ETV6: variants seen among roughly 807,000 people sequenced by gnomAD.
ETV6 encodes the protein ETS variant transcription factor 6.
In ETV6, 16 loss-of-function variants were observed where a neutral mutation model predicts 51.1. The observed-to-expected ratio is 0.31, with a 90% confidence interval of 0.21 to 0.48. The LOEUF (loss-of-function observed/expected upper bound fraction) is 0.48, where lower values mean the gene tolerates loss of function less well. Among genes scored for constraint, ETV6 ranks in the 20% least tolerant of loss-of-function variants. The pLI is 0.99. For missense variants in ETV6, 458 were observed against 594.8 expected, an observed-to-expected ratio of 0.77 and a Z score of 2.39; for synonymous variants, 240 against 224.1, an observed-to-expected ratio of 1.07 and a Z score of -0.64.
intron 1 of ETV6, among the ~76,000 whole-genome samples, chr12:11,695,883 C>T (rs1026903794): frequency 6.6e-6 from 1 of 152,198 alleles, no homozygotes; most frequent in South Asian, 2.1e-4. Flanking sequence ...TTTTCCATAT[C>T]ACCAGTGACA....
chr12:11,738,746 A>G (rs1262101101), intron 1 of ETV6, among the ~76,000 whole-genome samples: 6 of 151,926 alleles, frequency 3.9e-5, no homozygotes, highest in Non-Finnish European at 7.4e-5. Flanking sequence ...TTTTAATTCT[A>G]TTTTCTCCTA....
intron 4 of ETV6, among the ~76,000 whole-genome samples, chr12:11,867,392 A>G (rs749412709): frequency 2.6e-5 from 4 of 152,156 alleles, no homozygotes; most frequent in Non-Finnish European, 4.4e-5. Flanking sequence ...AGAGATATAT[A>G]CTATAATTTA....
intron 2 of ETV6, among the ~76,000 whole-genome samples, chr12:11,771,309 T>C (rs1473845229): frequency 6.6e-6 from 1 of 152,248 alleles, no homozygotes; most frequent in Non-Finnish European, 1.5e-5. Context: ...TAGGGAGCCA[T>C]TGCTGTGTGT....
intron 1 of ETV6, among the ~76,000 whole-genome samples, chr12:11,746,765 C>T (rs545901308): frequency 4.1e-5 from 6 of 144,766 alleles, no homozygotes; most frequent in Middle Eastern, 3.7e-3. Context: ...GATTGCAGGG[C>T]TTATTGCTAA....
intron 2 of ETV6, among the ~76,000 whole-genome samples, chr12:11,779,052 C>A (rs973411854): frequency 6.6e-6 from 1 of 152,230 alleles, no homozygotes; most frequent in African/African-American, 2.4e-5. Flanking sequence ...CTGAATACTT[C>A]AGAGCCAGAT....
chr12:11,882,918 G>A (rs1443980523), intron 5 of ETV6, among the ~76,000 whole-genome samples: 1 of 152,260 alleles, frequency 6.6e-6, no homozygotes, highest in African/African-American at 2.4e-5. Flanking sequence ...ACATTGTAGT[G>A]CAGGAGTCCA....
intron 4 of ETV6, among the ~76,000 whole-genome samples, chr12:11,856,857 T>G (rs915725915): frequency 6.6e-6 from 1 of 152,232 alleles, no homozygotes; most frequent in African/African-American, 2.4e-5. Context: ...ATATCAAATA[T>G]TACTTCCCCA....
chr12:11,891,486 CA>C lies in ETV6; in HGVS notation c.*443del. On this transcript the variant is annotated 3_prime_UTR_variant, in exon 8 of 8. Transcript: ENST00000396373. ...ATATATATATTTTTTGCAAATCTCA[CA>C]AAGTGCGGCAAGCCCAGCTGGTCAG... 1 of 491,550 alleles carries C rather than the reference CA, an allele frequency of 2.0e-6. No individual in the cohort carries two copies. Among genetic ancestry groups the C allele is most frequent in the South Asian group, 1.8e-5 (1 of 57,126 alleles). The allele number at this position is 491,550 out of a possible 1,614,324, so 30.4% of individuals were successfully genotyped here.
intron 1 of ETV6, among the ~76,000 whole-genome samples, chr12:11,670,074 C>A (rs1354119955): frequency 6.6e-6 from 1 of 150,870 alleles, no homozygotes; most frequent in East Asian, 1.9e-4. Context: ...TGTAGTTCAT[C>A]GTTTCCTTTT....
intron 1 of ETV6, among the ~76,000 whole-genome samples, chr12:11,680,053 C>T (rs931140092): frequency 2.0e-5 from 3 of 152,192 alleles, no homozygotes; most frequent in African/African-American, 7.2e-5. Flanking sequence ...AAAGTTGAGA[C>T]ATCCAGCTTG....
Position 11,682,157 on chromosome 12 carries a change from G to A in ETV6, c.33+31997G>A, listed in dbSNP as rs562963819. 2.6e-5 allele frequency among the ~76,000 whole-genome samples: 4 copies of A among 152,260 alleles called. No homozygotes were observed. In the South Asian group the frequency reaches 8.3e-4, roughly 32 times the overall value. ...GAGGAATCGCCGCACTGTCCACAAT[G>A]GTTGAACTAATTTACACTCCCACCA... is the stretch of plus-strand genomic sequence containing the variant. On this transcript the variant is annotated intron_variant, in intron 1 of 7. Transcript: ENST00000396373.
intron 1 of ETV6, among the ~76,000 whole-genome samples, chr12:11,672,991 G>A (rs1450562256): frequency 6.6e-6 from 1 of 152,180 alleles, no homozygotes; most frequent in Non-Finnish European, 1.5e-5. Context: ...TGTTCCCTTA[G>A]CCTTTTCACT....
At chr12:11,867,006 T>C (rs1013913726) in intron 4 of ETV6, among the ~76,000 whole-genome samples, 3 of 152,212 alleles carry the variant, frequency 2.0e-5, no homozygotes, top group East Asian at 1.9e-4. Flanking sequence ...GGGAGGAACA[T>C]GCAGCATAGG....
At chr12:11,685,036 G>A (rs1864601340) in intron 1 of ETV6, among the ~76,000 whole-genome samples, 1 of 152,206 alleles carries the variant, frequency 6.6e-6, no homozygotes, top group African/African-American at 2.4e-5. Context: ...GCATGAGTGT[G>A]AGGACCAGGT....
chr12:11,736,472 G>C (rs1159321878), intron 1 of ETV6, among the ~76,000 whole-genome samples: 2 of 152,182 alleles, frequency 1.3e-5, no homozygotes, highest in African/African-American at 2.4e-5. Context: ...TTTTTGATCA[G>C]GTACAAGAAA....
intron 1 of ETV6, among the ~76,000 whole-genome samples, chr12:11,678,147 A>C (rs2856314): frequency 0.98 from 148,850 of 152,284 alleles, 72,840 homozygotes; most frequent in East Asian, 1. Context: ...CCATGCATAT[A>C]ACATCCTTAT....
intron 1 of ETV6, among the ~76,000 whole-genome samples, chr12:11,707,721 A>C (rs2120867002): frequency 6.6e-6 from 1 of 152,336 alleles, no homozygotes; most frequent in East Asian, 1.9e-4. Context: ...CCCGAGTCGT[A>C]TGTGGCAAGT....
At chr12:11,684,871 C>T (rs552203467) in intron 1 of ETV6, among the ~76,000 whole-genome samples, 12 of 152,220 alleles carry the variant, frequency 7.9e-5, no homozygotes, top group East Asian at 3.9e-4. Flanking sequence ...AATATTCTAA[C>T]GTGAGGAAAC....
intron 1 of ETV6, among the ~76,000 whole-genome samples, chr12:11,673,885 T>C (rs975917171): frequency 6.6e-6 from 1 of 152,206 alleles, no homozygotes; most frequent in African/African-American, 2.4e-5. Flanking sequence ...CCATGGCTCT[T>C]GTGAGTGGAG....
Sources: gnomAD v4.1 joint callset for allele counts (sites outside exome capture counted in the v4.1 genomes callset) on GRCh38, gnomAD v4.1.1 for gene constraint, MANE v1.5 for transcripts, NCBI Gene and HGNC (gene_info 2026-07-23, HGNC 2026-07-21) for gene names.